The following TARS1 variants were observed in gnomAD, a reference collection of about 807,000 sequenced individuals.
TARS1 encodes the protein threonyl-tRNA synthetase 1.
A neutral mutation model predicts 97.7 loss-of-function variants in TARS1; 57 were observed. The observed-to-expected ratio is 0.58, with a 90% CI of 0.47 to 0.73. The LOEUF is 0.73. TARS1 is among the 30% of genes least tolerant of loss of function. The probability of loss-of-function intolerance (pLI) is 0.00; values close to 1 mark genes in which losing one functional copy is unlikely to be tolerated. For synonymous variants in TARS1, 312 were observed against 293.7 expected, an observed-to-expected ratio of 1.06 and a Z score of -0.64; for missense variants, 806 against 888.3, an observed-to-expected ratio of 0.91 and a Z score of 1.18.
In TARS1 at chr5:33,460,962, T is replaced by G. The variant is rs1247033894; in HGVS notation, c.1311T>G (p.Phe437Leu). 6.2e-7 allele frequency: 1 copy of G among 1,614,084 alleles called. No individual in the cohort carries two copies. Among genetic ancestry groups the G allele is most frequent in the African/African-American group, 1.3e-5 (1 of 74,928 alleles). Residue 437 changes from phenylalanine to leucine, a missense_variant, in exon 12 of 19, where the codon TTT (phenylalanine) becomes TTG (leucine). Physicochemically the swap from Phe to Leu is conservative, Grantham distance 22. Transcript: ENST00000265112. The part of the protein sequence containing the change: ...WRELPLRLAD[F>L]GVLHRNELSG... Reference sequence around the variant, plus strand: ...AACTGCCTCTGCGGCTAGCTGATTTTGGGGTACTTCATAGGAACGAGCTGT... The same window carrying G: ...AACTGCCTCTGCGGCTAGCTGATTTGGGGGTACTTCATAGGAACGAGCTGT...
rs4867513 is a variant in TARS1, at chr5:33,457,808, C to G, written c.984+405C>G. ...GTTTAGCAGCATGTCGCACATGGAT[C>G]CTGTGCTATCATTTCCTCTACCCAT... On this transcript the variant is annotated intron_variant, in intron 9 of 18. Transcript: ENST00000265112. Among the ~76,000 whole-genome samples the G allele has an allele frequency of 1.0e-3, 157 of 152,336 alleles. 3 individuals are homozygous for G. The highest frequency in any genetic ancestry group is 7.2e-3 in the Admixed American group (110 of 15,304).
At chr5:33,458,809 A>G (rs1410537785) in intron 10 of TARS1, 145 bp downstream of exon 10, 2 of 674,472 alleles carry the variant, frequency 3.0e-6, no homozygotes, top group Non-Finnish European at 4.7e-6. Context: ...GGCCTCATAA[A>G]TCATCCCTAA....
At chr5:33,455,531 C>A in intron 5 of TARS1, 56 bp from the exon 6 acceptor site, 1 of 1,169,692 alleles carries the variant, frequency 8.5e-7, no homozygotes, top group Non-Finnish European at 1.2e-6. Context: ...GAACATTTTT[C>A]GAAGCCATGG....
intron 2 of TARS1, chr5:33,446,875 T>G (rs1464708817): frequency 5.1e-6 from 3 of 584,796 alleles, no homozygotes; most frequent in Non-Finnish European, 7.6e-6. Flanking sequence ...GAGCTTTTAG[T>G]TAATTCATGG....
rs1360301086 is a variant in TARS1, at chr5:33,467,612, C to T, written c.2076C>T (p.Asp692=). 6 of 1,613,634 alleles carry T rather than the reference C, an allele frequency of 3.7e-6. No individual in the cohort carries two copies. The highest frequency in any genetic ancestry group is 8.5e-7 in the Non-Finnish European group (1 of 1,179,840). The part of the protein sequence containing the change: ...ISGTVNIRTR[D]NKVHGERTIS... ...GCACTGTTAATATCCGCACAAGAGA[C>T]AATAAGGTCCACGGGGAACGCACCA... The change falls in exon 19 of 19, where the codon GAC becomes GAT. Residue 692 remains aspartate, a synonymous_variant. Transcript: ENST00000265112.
At chr5:33,462,342 A>G in intron 16 of TARS1, 139 bp downstream of exon 16, 1 of 746,240 alleles carries the variant, frequency 1.3e-6, no homozygotes, top group Non-Finnish European at 2.2e-6. Flanking sequence ...TGTTCATTAA[A>G]AAATAAGGAA....
intron 9 of TARS1, 65 bp downstream of exon 9, chr5:33,457,468 TC>T: frequency 6.4e-7 from 1 of 1,560,016 alleles, no homozygotes. Flanking sequence ...AGTTTGAAAT[TC>T]AGCTGCATGA....
At chr5:33,442,696 G>C (rs1252730401) in intron 1 of TARS1, among the ~76,000 whole-genome samples, 1 of 151,550 alleles carries the variant, frequency 6.6e-6, no homozygotes, top group Non-Finnish European at 1.5e-5. Context: ...AGTAGAGACG[G>C]GGTTTCACCG....
intron 14 of TARS1, 78 bp downstream of exon 14, chr5:33,461,822 A>G: frequency 6.3e-7 from 1 of 1,593,540 alleles, no homozygotes; most frequent in Non-Finnish European, 8.6e-7. Flanking sequence ...AAAGTTGGAA[A>G]AAAGAAAATC....
At chr5:33,458,867 G>C (rs1454898073) in intron 10 of TARS1, among the ~76,000 whole-genome samples, 1 of 152,102 alleles carries the variant, frequency 6.6e-6, no homozygotes, top group Non-Finnish European at 1.5e-5. Context: ...GCTTGAAGGG[G>C]GACCTGTGGT....
At chr5:33,445,173 T>C in intron 1 of TARS1, 151 bp from the exon 2 acceptor site, 1 of 561,412 alleles carries the variant, frequency 1.8e-6, no homozygotes, top group Non-Finnish European at 3.1e-6. Flanking sequence ...TCTTTGCCAG[T>C]GATGAAATTG....
chr5:33,464,331 CAG>C (rs757297236), intron 17 of TARS1, among the ~76,000 whole-genome samples: 85 of 152,296 alleles, frequency 5.6e-4, no homozygotes, highest in Admixed American at 1.2e-3. Context: ...CTCTTTGACT[CAG>C]TGAGTAATTT....
In TARS1 at chr5:33,467,653, A is replaced by G; in HGVS notation, c.2117A>G (p.Glu706Gly). 3 of 1,614,020 alleles carry G rather than the reference A, an allele frequency of 1.9e-6. No individual in the cohort carries two copies. The highest frequency in any genetic ancestry group is 2.5e-6 in the Non-Finnish European group (3 of 1,179,942). ...HGERTISETI[E>G]RLQQLKEFRS... ...GAACGCACCATTTCTGAAACTATCG[A>G]GCGGCTACAGCAGCTCAAAGAGTTC... The change falls in exon 19 of 19, where the codon GAG becomes GGG. Residue 706 changes from glutamate to glycine, a missense_variant. Glu to Gly is a moderately conservative substitution (Grantham distance 98, BLOSUM62 -2). This residue lies in a region of TARS1 where 446 missense variants were observed against 511.0 expected (regional missense o/e 0.87). Transcript: ENST00000265112.
Position 33,461,889 on chromosome 5 carries a change from C to T in TARS1, c.1630-17C>T. 2 of 1,607,432 alleles carry T rather than the reference C, an allele frequency of 1.2e-6. No individual in the cohort carries two copies. The highest frequency in any genetic ancestry group is 1.7e-6 in the Non-Finnish European group (2 of 1,174,294). On this transcript the variant is annotated splice_polypyrimidine_tract_variant and intron_variant, in intron 14 of 18. Coordinates refer to ENST00000265112, the MANE Select transcript of TARS1 (RefSeq NM_152295.5). The stretch of plus-strand genomic sequence containing the variant: ...GTATCACTGGCATTTTATAATAACC[C>T]AGTCTTTGCTTCTTAGATTGACATA...
chr5:33,460,465 C>T (rs1256626374), intron 11 of TARS1, among the ~76,000 whole-genome samples: 1 of 152,220 alleles, frequency 6.6e-6, no homozygotes, highest in East Asian at 1.9e-4. Flanking sequence ...CATGAGGCCG[C>T]TCTGCTTTCT....
chr5:33,450,033 C>G (rs115022219), intron 3 of TARS1, among the ~76,000 whole-genome samples: 1,898 of 152,144 alleles, frequency 0.012, 45 homozygotes, highest in African/African-American at 0.044. Context: ...TTAACACATA[C>G]GAGAAGTAGT....
At chr5:33,464,395 A>G (rs1256157421) in intron 17 of TARS1, among the ~76,000 whole-genome samples, 1 of 152,186 alleles carries the variant, frequency 6.6e-6, no homozygotes, top group Non-Finnish European at 1.5e-5. Flanking sequence ...TTTCAGGTTA[A>G]TAGTATAGCA....
chr5:33,452,241 T>C, intron 3 of TARS1: 1 of 884,392 alleles, frequency 1.1e-6, no homozygotes, highest in South Asian at 1.5e-5. Flanking sequence ...TGTAGAATGT[T>C]GCCTACCTTC....
intron 13 of TARS1, 87 bp from the exon 14 acceptor site, chr5:33,461,580 G>C (rs1742294110): frequency 8.4e-6 from 11 of 1,315,204 alleles, no homozygotes; most frequent in Middle Eastern, 1.9e-4. Flanking sequence ...ATCTATGAAA[G>C]TAATTACTGT....
Sources: gnomAD v4.1 joint callset for allele counts (sites outside exome capture counted in the v4.1 genomes callset) on GRCh38, gnomAD v4.1.1 for gene constraint, gnomAD v4.1.1 regional missense constraint, MANE v1.5 for transcripts, NCBI Gene and HGNC (gene_info 2026-07-23, HGNC 2026-07-21) for gene names.